Variants in NBEA observed in about 807,000 individuals in gnomAD.
NBEA encodes the protein neurobeachin.
A neutral mutation model predicts 343.4 loss-of-function variants in NBEA; 44 were observed. The observed-to-expected ratio is 0.13, with a 90% CI of 0.10 to 0.16. The LOEUF is 0.16. Ranked by LOEUF, NBEA falls within the 10% of genes least tolerant of loss-of-function variation. The pLI is 1.00. For missense variants in NBEA, 2,555 were observed against 3,631.3 expected, an observed-to-expected ratio of 0.70 and a Z score of 7.62; for synonymous variants, 1,175 against 1,238.7, an observed-to-expected ratio of 0.95 and a Z score of 1.08.
intron 36 of NBEA, among the ~76,000 whole-genome samples, chr13:35,348,123 A>G (rs2039989696): frequency 6.6e-6 from 1 of 152,120 alleles, no homozygotes; most frequent in Non-Finnish European, 1.5e-5. Context: ...GTCACACTGC[A>G]AAAGAGCATG....
chr13:35,597,812 G>A (rs2081876385), intron 47 of NBEA, among the ~76,000 whole-genome samples: 1 of 152,076 alleles, frequency 6.6e-6, no homozygotes, highest in African/African-American at 2.4e-5. Flanking sequence ...CTTCCACAGC[G>A]TTGTATTGCT....
intron 45 of NBEA, among the ~76,000 whole-genome samples, chr13:35,583,149 T>G (rs534324022): frequency 3.7e-4 from 56 of 152,334 alleles, no homozygotes; most frequent in African/African-American, 1.3e-3. Flanking sequence ...ATCATGAAGA[T>G]GGTATGCTGG....
Position 35,593,314 on chromosome 13 carries a change from G to GC in NBEA, c.7177-14_7177-13insC. The GC allele has an allele frequency of 6.2e-7, 1 of 1,610,564 alleles. No individual in the cohort carries two copies. On this transcript the variant is annotated splice_polypyrimidine_tract_variant and intron_variant, in intron 46 of 58. Transcript: ENST00000379939. ...TTAGAGTGGTCAAATTTCTGATTCTGTTTTTTTGCTTAGGAACCTTTCACA... is the reference window on the plus strand; with the variant it reads ...TTAGAGTGGTCAAATTTCTGATTCTGCTTTTTTTGCTTAGGAACCTTTCACA...
Position 35,060,946 on chromosome 13 carries a change from G to A in NBEA, c.1239+2083G>A, listed in dbSNP as rs371818128. Among the ~76,000 whole-genome samples the A allele has an allele frequency of 5.1e-4, 77 of 151,700 alleles. No homozygotes were observed. The South Asian group carries it at 5.6e-3, about 11-fold the overall frequency. ...ACAAATGGAGTTTAAATTACTTAGT[G>A]TTGTATAATAACATAGTATTTATAT... On this transcript the variant is annotated intron_variant, in intron 8 of 58. Transcript: ENST00000379939.
At chr13:34,992,496 C>T (rs1029899306) in intron 1 of NBEA, among the ~76,000 whole-genome samples, 9 of 151,370 alleles carry the variant, frequency 5.9e-5, no homozygotes, top group South Asian at 2.1e-4. Context: ...CCACCACGCC[C>T]GGCCAAGAAG....
chr13:35,155,902 A>T (rs779108116), intron 19 of NBEA, 47 bp downstream of exon 19: 2 of 1,546,472 alleles, frequency 1.3e-6, no homozygotes, highest in Non-Finnish European at 1.8e-6. Context: ...GCGCATGGCA[A>T]CATATGAGAC....
intron 1 of NBEA, among the ~76,000 whole-genome samples, chr13:34,957,012 T>C (rs568505211): frequency 3.3e-5 from 5 of 151,488 alleles, no homozygotes; most frequent in Admixed American, 3.3e-4. Context: ...ATGTGGAATA[T>C]ATATATATAT....
intron 38 of NBEA, among the ~76,000 whole-genome samples, chr13:35,406,915 C>T (rs1594514147): frequency 1.3e-5 from 2 of 151,466 alleles, no homozygotes; most frequent in East Asian, 3.9e-4. Context: ...CAGTTGCATA[C>T]AGAACCTGAC....
intron 36 of NBEA, among the ~76,000 whole-genome samples, chr13:35,324,158 A>T (rs2038375752): frequency 1.3e-5 from 2 of 152,210 alleles, no homozygotes; most frequent in Non-Finnish European, 2.9e-5. Flanking sequence ...GAAGGTATAG[A>T]TGTTGTGCAC....
At chr13:35,423,891 T>C (rs141235212) in intron 38 of NBEA, among the ~76,000 whole-genome samples, 4,524 of 152,274 alleles carry the variant, frequency 0.03, 104 homozygotes, top group Non-Finnish European at 0.045. Flanking sequence ...GATTCCTAGG[T>C]ATTTTATTCT....
intron 8 of NBEA, among the ~76,000 whole-genome samples, chr13:35,060,668 G>A (rs1190675431): frequency 6.6e-6 from 1 of 151,566 alleles, no homozygotes; most frequent in Non-Finnish European, 1.5e-5. Context: ...TATAAATACA[G>A]TTGCTACCAT....
At chr13:34,965,635 A>G (rs1447619844) in intron 1 of NBEA, among the ~76,000 whole-genome samples, 2 of 151,800 alleles carry the variant, frequency 1.3e-5, no homozygotes, top group Admixed American at 6.6e-5. Context: ...TAGCTTCTAT[A>G]TTTTTTTATG....
intron 48 of NBEA, among the ~76,000 whole-genome samples, chr13:35,612,095 A>G (rs1197013089): frequency 6.6e-6 from 1 of 150,734 alleles, no homozygotes; most frequent in East Asian, 2.0e-4. Flanking sequence ...TATTACAGCC[A>G]TTCTAGTGAA....
chr13:35,620,135 G>A (rs2082916792), intron 48 of NBEA, among the ~76,000 whole-genome samples: 1 of 152,070 alleles, frequency 6.6e-6, no homozygotes, highest in Admixed American at 6.5e-5. Flanking sequence ...TGTTCCGGGT[G>A]ATGTTTTATG....
At chr13:35,024,819 C>G (rs941409109) in intron 1 of NBEA, among the ~76,000 whole-genome samples, 4 of 152,116 alleles carry the variant, frequency 2.6e-5, no homozygotes, top group Non-Finnish European at 4.4e-5. Flanking sequence ...TCCTTTTCTC[C>G]ACAACTTTGC....
intron 15 of NBEA, 30 bp downstream of exon 15, chr13:35,118,320 A>G (rs1161394744): frequency 6.4e-7 from 1 of 1,563,718 alleles, no homozygotes; most frequent in Admixed American, 1.9e-5. Flanking sequence ...TTTTATTTTA[A>G]TTATTTAAGC....
chr13:35,136,633 AT>A (rs2152690308), intron 17 of NBEA, among the ~76,000 whole-genome samples: 1 of 152,354 alleles, frequency 6.6e-6, no homozygotes, highest in East Asian at 1.9e-4. Flanking sequence ...GTACTTTCAA[AT>A]GGTTAAACAT....
intron 52 of NBEA, among the ~76,000 whole-genome samples, chr13:35,651,403 A>G (rs948955564): frequency 6.6e-5 from 10 of 151,258 alleles, no homozygotes; most frequent in Non-Finnish European, 1.3e-4. Flanking sequence ...CCTTTCATTG[A>G]TTTCTGCTTC....
intron 16 of NBEA, among the ~76,000 whole-genome samples, chr13:35,120,218 T>C (rs191812654): frequency 1.5e-3 from 228 of 152,084 alleles, no homozygotes; most frequent in African/African-American, 5.4e-3. Context: ...CAATTGAGAG[T>C]GCTATTTGGT....
Sources: gnomAD v4.1 joint callset for allele counts (sites outside exome capture counted in the v4.1 genomes callset) on GRCh38, gnomAD v4.1.1 for gene constraint, MANE v1.5 for transcripts, NCBI Gene and HGNC (gene_info 2026-07-23, HGNC 2026-07-21) for gene names.